ANO4: variants seen among roughly 807,000 people sequenced by gnomAD.
ANO4 encodes anoctamin-4.
A neutral mutation model predicts 141.9 loss-of-function variants in ANO4; 69 were observed. That is an observed-to-expected ratio of 0.49 (90% CI 0.40 to 0.59). The LOEUF is 0.59. Among genes scored for constraint, ANO4 ranks in the 20% least tolerant of loss-of-function variants. ANO4 has a pLI of 0.00. For missense variants in ANO4, 894 were observed against 1,162.2 expected, an observed-to-expected ratio of 0.77 and a Z score of 3.36; for synonymous variants, 350 against 394.3, an observed-to-expected ratio of 0.89 and a Z score of 1.33.
intron 1 of ANO4, among the ~76,000 whole-genome samples, chr12:100,720,595 CCTT>C (rs770452150): frequency 4.6e-5 from 7 of 151,928 alleles, no homozygotes; most frequent in Non-Finnish European, 1.0e-4. Context: ...TGTGTGGACT[CCTT>C]CTGCTAATGC....
rs2050039399 is a variant in ANO4 at position 101,097,689 on chromosome 12, A to G, written c.1889A>G (p.Asn630Ser). 2 of 1,613,720 alleles carry G rather than the reference A, an allele frequency of 1.2e-6. No homozygotes were observed. Among genetic ancestry groups the G allele is most frequent in the East Asian group, 2.2e-5 (1 of 44,878 alleles). The change falls in exon 20 of 28, where the codon AAC becomes AGC. Residue 630 changes from asparagine to serine, a missense_variant. Coordinates refer to ENST00000392977, the MANE Select transcript of ANO4 (RefSeq NM_001286615.2). ...CCAGGTGCCTACTTGAGGCTGATAA[A>G]CAGGTGGAGACTAGAAGAGGTCTGT... ...GHPGAYLRLI[N>S]RWRLEECHPS...
intron 8 of ANO4, among the ~76,000 whole-genome samples, chr12:101,011,713 T>C (rs1378452868): frequency 6.6e-6 from 1 of 152,192 alleles, no homozygotes; most frequent in African/African-American, 2.4e-5. Flanking sequence ...GGTCACATGC[T>C]TCAGGCTCCT....
chr12:100,745,095 G>C (rs1392249662), intron 3 of ANO4, among the ~76,000 whole-genome samples: 1 of 152,068 alleles, frequency 6.6e-6, no homozygotes, highest in Non-Finnish European at 1.5e-5. Context: ...CAGGGTACAG[G>C]TACGTAAGGG....
chr12:100,886,543 C>A (rs2138049), intron 1 of ANO4, among the ~76,000 whole-genome samples: 57,922 of 151,830 alleles, frequency 0.38, 11,580 homozygotes, highest in East Asian at 0.52. Flanking sequence ...ATCTACCCAG[C>A]AATGAGGCTT....
At chr12:100,794,326 C>T (rs1325605247), upstream of ANO4, among the ~76,000 whole-genome samples, 1 of 152,176 alleles carries the variant, frequency 6.6e-6, no homozygotes, top group Non-Finnish European at 1.5e-5. Context: ...TAGGGGACTT[C>T]AAGTCTGGCT....
At chr12:100,793,180 A>G (rs1163533457), upstream of ANO4, among the ~76,000 whole-genome samples, 1 of 152,236 alleles carries the variant, frequency 6.6e-6, no homozygotes, top group African/African-American at 2.4e-5. Context: ...CTGATGCATA[A>G]TTGATGTTCT....
rs1333818935 is a variant in ANO4, at chr12:100,824,503, T to C, written c.-141+29476T>C. Among the ~76,000 whole-genome samples the C allele has an allele frequency of 4.6e-5, 7 of 152,038 alleles. No homozygotes were observed. In the South Asian group the frequency reaches 1.0e-3, roughly 22 times the overall value. ...TGTAGATATACAGATTTTCTAAATA[T>C]CAGTTTTCCTCAAATGGACTTAAGA... On this transcript the variant is annotated intron_variant, in intron 1 of 27. Transcript: ENST00000392977.
At chr12:101,056,051 GATT>G (rs1341392455) in intron 14 of ANO4, among the ~76,000 whole-genome samples, 1 of 151,930 alleles carries the variant, frequency 6.6e-6, no homozygotes, top group Admixed American at 6.6e-5. Context: ...CCACTGTCTT[GATT>G]ATTATGGCAT....
At chr12:100,913,486 T>C (rs2041204550) in intron 2 of ANO4, among the ~76,000 whole-genome samples, 1 of 152,158 alleles carries the variant, frequency 6.6e-6, no homozygotes, top group Non-Finnish European at 1.5e-5. Flanking sequence ...TCTATCATTA[T>C]TGTTATAATT....
chr12:100,937,394 A>G (rs887295810), intron 3 of ANO4, among the ~76,000 whole-genome samples: 3 of 152,214 alleles, frequency 2.0e-5, no homozygotes, highest in Admixed American at 6.5e-5. Context: ...GAGGACAACA[A>G]TTATGGGAGG....
intron 7 of ANO4, among the ~76,000 whole-genome samples, chr12:100,977,509 G>A (rs1477823773): frequency 1.3e-5 from 2 of 152,072 alleles, no homozygotes. Context: ...AACATAGTGA[G>A]GCCCCATCTC....
In ANO4 at chr12:101,128,601, A is replaced by ATTATCTG. The variant is rs2051422695; in HGVS notation, c.*745_*746insTTATCTG. ...AATGCTTGTATAATGTGATGCAATAAAATTTAAAATAAATTTCTGCACATG... is the reference window on the plus strand; with the variant it reads ...AATGCTTGTATAATGTGATGCAATAATTATCTGAATTTAAAATAAATTTCTGCACATG... On this transcript the variant is annotated 3_prime_UTR_variant, in exon 28 of 28. Transcript: ENST00000392977. 6.5e-6 allele frequency: 1 copy of ATTATCTG among 152,688 alleles called. No individual in the cohort carries two copies. The highest frequency in any genetic ancestry group is 1.9e-4 in the East Asian group (1 of 5,200). The allele number at this position is 152,688 out of a possible 1,614,324, so 9.5% of individuals were successfully genotyped here. A position where few individuals can be genotyped will look rare whatever the true frequency, so the allele number is the denominator to read the frequency against.
intron 15 of ANO4, among the ~76,000 whole-genome samples, chr12:101,079,773 G>T (rs1383883548): frequency 6.6e-6 from 1 of 152,166 alleles, no homozygotes; most frequent in Non-Finnish European, 1.5e-5. Context: ...CACCTTGGGA[G>T]ACGTGGTTAA....
chr12:100,937,231 A>T (rs891842499), intron 3 of ANO4, among the ~76,000 whole-genome samples: 2 of 152,208 alleles, frequency 1.3e-5, no homozygotes, highest in African/African-American at 4.8e-5. Flanking sequence ...CCTGTGCCAG[A>T]GCCTCTGTAC....
intron 8 of ANO4, among the ~76,000 whole-genome samples, chr12:100,994,865 G>GT (rs1460931526): frequency 1.3e-5 from 2 of 152,294 alleles, no homozygotes; most frequent in Admixed American, 1.3e-4. Context: ...ACCAGCAGTT[G>GT]TCAGTGAGGG....
chr12:101,056,993 T>C (rs1416220390), intron 14 of ANO4, among the ~76,000 whole-genome samples: 2 of 151,038 alleles, frequency 1.3e-5, no homozygotes, highest in Non-Finnish European at 2.9e-5. Flanking sequence ...TCCTAATGCT[T>C]TCCCTCCCCG....
chr12:101,110,115 A>C (rs185912170), intron 22 of ANO4, among the ~76,000 whole-genome samples: 61 of 152,190 alleles, frequency 4.0e-4, no homozygotes, highest in Non-Finnish European at 6.8e-4. Flanking sequence ...GTAGCTCTGG[A>C]ATCAAACCAT....
At chr12:100,722,449 C>T (rs952419908) in intron 1 of ANO4, among the ~76,000 whole-genome samples, 7 of 152,192 alleles carry the variant, frequency 4.6e-5, no homozygotes, top group Admixed American at 3.9e-4. Flanking sequence ...ATCCCACCCT[C>T]TGGGCGGGAG....
At chr12:100,884,844 G>C (rs990587155) in intron 1 of ANO4, among the ~76,000 whole-genome samples, 1 of 152,180 alleles carries the variant, frequency 6.6e-6, no homozygotes, top group Non-Finnish European at 1.5e-5. Context: ...ACAGGCATGC[G>C]CAACCATGCC....
Sources: allele counts gnomAD v4.1 joint callset (sites outside exome capture counted in the v4.1 genomes callset), GRCh38; gene constraint gnomAD v4.1.1; transcripts MANE v1.5; gene names NCBI Gene and HGNC (gene_info 2026-07-23, HGNC 2026-07-21).